SLC9C1: variants seen among roughly 807,000 people sequenced by gnomAD.
The protein encoded by SLC9C1 is sodium/hydrogen exchanger 10.
In SLC9C1, 97 loss-of-function variants were observed where a neutral mutation model predicts 140.9. The ratio of observed to expected loss-of-function variants is 0.69; its 90% confidence interval spans 0.58 to 0.82. The LOEUF (loss-of-function observed/expected upper bound fraction) is 0.82. SLC9C1 is among the 40% of genes least tolerant of loss of function. The pLI is 0.00. For synonymous variants in SLC9C1, 440 were observed against 442.6 expected, an observed-to-expected ratio of 0.99 and a Z score of 0.07; for missense variants, 1,340 against 1,389.3, an observed-to-expected ratio of 0.96 and a Z score of 0.56.
intron 23 of SLC9C1, among the ~76,000 whole-genome samples, chr3:112,174,830 G>T (rs2077307049): frequency 6.6e-6 from 1 of 152,216 alleles, no homozygotes; most frequent in South Asian, 2.1e-4. Context: ...TGGTGATCAG[G>T]CAAGGGTTGG....
chr3:112,242,757 T>G (rs2079171288), intron 11 of SLC9C1, among the ~76,000 whole-genome samples: 1 of 152,152 alleles, frequency 6.6e-6, no homozygotes, highest in African/African-American at 2.4e-5. Flanking sequence ...TTATTACACA[T>G]TCTATACCCG....
intron 12 of SLC9C1, 22 bp downstream of exon 12, chr3:112,239,818 A>G: frequency 6.3e-7 from 1 of 1,583,530 alleles, no homozygotes; most frequent in Non-Finnish European, 8.6e-7. Flanking sequence ...TTAAAGCAAT[A>G]AAAAAGATAT....
At chr3:112,244,352 G>T (rs913297133) in intron 10 of SLC9C1, among the ~76,000 whole-genome samples, 1 of 152,164 alleles carries the variant, frequency 6.6e-6, no homozygotes, top group African/African-American at 2.4e-5. Flanking sequence ...CATTGGGAAG[G>T]AATATTTATC....
At chr3:112,233,735 G>T (rs973209338) in intron 12 of SLC9C1, among the ~76,000 whole-genome samples, 12 of 151,308 alleles carry the variant, frequency 7.9e-5, no homozygotes, top group African/African-American at 2.2e-4. Flanking sequence ...GCAGTGTTTG[G>T]TTTTTTGTGC....
Position 112,185,988 on chromosome 3 carries a change from C to T in SLC9C1, c.2524-3730G>A, listed in dbSNP as rs904159182. Reference sequence around the variant, plus strand: ...CAGCTCTCTGCTGCCGGCTGGGACCCAGGCCCCGCGGTATTTAGCACCTTT... The same window carrying T: ...CAGCTCTCTGCTGCCGGCTGGGACCTAGGCCCCGCGGTATTTAGCACCTTT... On this transcript the variant is annotated intron_variant, in intron 20 of 28. Coordinates refer to ENST00000305815, the MANE Select transcript of SLC9C1 (RefSeq NM_183061.3). 51 of 1,550,396 alleles carry T rather than the reference C, an allele frequency of 3.3e-5. No individual in the cohort carries two copies. The East Asian group carries it at 1.1e-3, about 34-fold the overall frequency.
rs1484065129 is a variant in SLC9C1, at chr3:112,287,972, G to A, written c.-87-1094C>T. Among the ~76,000 whole-genome samples, 6 of 149,880 alleles carry A rather than the reference G, an allele frequency of 4.0e-5. No homozygotes were observed. In the East Asian group the frequency reaches 1.2e-3, roughly 29 times the overall value. On this transcript the variant is annotated intron_variant, in intron 1 of 28. Transcript: ENST00000305815. ...GCAGGAAAATGGCGTGAACCGGGGA[G>A]GCGGAGCTTGCAGTGAGCCGAGATC...
intron 2 of SLC9C1, among the ~76,000 whole-genome samples, chr3:112,284,007 C>T (rs1303288003): frequency 2.6e-5 from 4 of 152,108 alleles, no homozygotes; most frequent in African/African-American, 9.7e-5. Context: ...GGATTAAACT[C>T]GTGACCATTT....
chr3:112,248,695 C>A (rs2079362505), intron 10 of SLC9C1, among the ~76,000 whole-genome samples: 1 of 151,982 alleles, frequency 6.6e-6, no homozygotes, highest in African/African-American at 2.4e-5. Flanking sequence ...TAATGTTCCA[C>A]AAAAATGAAG....
rs1326383624 is a variant in SLC9C1 at position 112,233,050 on chromosome 3, C to CACACATATAT, written c.1447-1565_1447-1564insATATATGTGT. Among the ~76,000 whole-genome samples, 639 of 86,564 alleles carry CACACATATAT rather than the reference C, an allele frequency of 7.4e-3. 5 individuals carry two copies. Among genetic ancestry groups the CACACATATAT allele is most frequent in the African/African-American group, 0.023 (577 of 25,464 alleles). 56.8% of individuals were successfully genotyped at this position (86,564 alleles called of 152,430 possible). On this transcript the variant is annotated intron_variant, in intron 12 of 28. Transcript: ENST00000305815. ...ATACACACACACACACACACACACA[C>CACACATATAT]ATATATATATATATATATTATATTT...
At chr3:112,192,079 G>A (rs1448883197) in intron 20 of SLC9C1, among the ~76,000 whole-genome samples, 1 of 144,854 alleles carries the variant, frequency 6.9e-6, no homozygotes, top group African/African-American at 2.5e-5. Context: ...TTTTTTTACT[G>A]TGGTAAAATA....
intron 20 of SLC9C1, among the ~76,000 whole-genome samples, chr3:112,196,699 C>G (rs922511939): frequency 2.0e-5 from 3 of 151,984 alleles, no homozygotes; most frequent in African/African-American, 4.8e-5. Flanking sequence ...CGTTATTGTA[C>G]TTAATTGTAC....
At chr3:112,237,136 A>T (rs13071489) in intron 12 of SLC9C1, among the ~76,000 whole-genome samples, 44,976 of 151,934 alleles carry the variant, frequency 0.3, 7,215 homozygotes, top group East Asian at 0.43. Context: ...TTGCTTTATG[A>T]ATCTAGGTGC....
intron 26 of SLC9C1, among the ~76,000 whole-genome samples, chr3:112,159,509 G>A (rs2075226271): frequency 6.6e-6 from 1 of 152,100 alleles, no homozygotes; most frequent in Non-Finnish European, 1.5e-5. Flanking sequence ...AATATTCCAT[G>A]TGCTGATAAG....
At chr3:112,165,618 C>T (rs762812666) in intron 26 of SLC9C1, among the ~76,000 whole-genome samples, 4 of 152,152 alleles carry the variant, frequency 2.6e-5, no homozygotes, top group African/African-American at 4.8e-5. Flanking sequence ...GCTACCTGAT[C>T]GTTCCTCTGG....
chr3:112,271,264 G>T (rs12638964), intron 6 of SLC9C1, among the ~76,000 whole-genome samples: 44,710 of 151,554 alleles, frequency 0.3, 6,774 homozygotes, highest in East Asian at 0.36. Context: ...CCACAGCAAA[G>T]TGACTGTAGT....
At chr3:112,244,639 A>G (rs1045413206) in intron 10 of SLC9C1, among the ~76,000 whole-genome samples, 1 of 152,208 alleles carries the variant, frequency 6.6e-6, no homozygotes, top group East Asian at 1.9e-4. Context: ...ATCTTTATCT[A>G]CTTGTATCTC....
chr3:112,153,319 T>C (rs1259283648), intron 27 of SLC9C1, among the ~76,000 whole-genome samples: 1 of 151,338 alleles, frequency 6.6e-6, no homozygotes, highest in African/African-American at 2.4e-5. Context: ...TAGCTTTCCT[T>C]CTTCAATCCC....
At chr3:112,150,668 A>G (rs1402576395) in intron 28 of SLC9C1, among the ~76,000 whole-genome samples, 1 of 150,890 alleles carries the variant, frequency 6.6e-6, no homozygotes, top group African/African-American at 2.4e-5. Context: ...TTTATAGGGT[A>G]TTTTAAGCTT....
At chr3:112,202,224 T>A (rs2077923239) in intron 18 of SLC9C1, 26 bp downstream of exon 18, 1 of 1,607,454 alleles carries the variant, frequency 6.2e-7, no homozygotes, top group Non-Finnish European at 8.5e-7. Context: ...AGTGAACTCT[T>A]TTCTTAGGAT....
Sources: allele counts gnomAD v4.1 joint callset (sites outside exome capture counted in the v4.1 genomes callset), GRCh38; gene constraint gnomAD v4.1.1; transcripts MANE v1.5; gene names NCBI Gene and HGNC (gene_info 2026-07-23, HGNC 2026-07-21).